ANK3: variants seen among roughly 807,000 people sequenced by gnomAD.
ANK3 encodes ankyrin 3.
A neutral mutation model predicts 370.9 loss-of-function variants in ANK3; 57 were observed. The ratio of observed to expected loss-of-function variants is 0.15; its 90% CI spans 0.12 to 0.19. The LOEUF (loss-of-function observed/expected upper bound fraction) is 0.19. ANK3 is among the 10% of genes least tolerant of loss of function. ANK3 has a pLI of 1.00. For missense variants in ANK3, 4,439 were observed against 5,302.1 expected (o/e 0.84, Z 5.06); for synonymous variants, 1,929 against 1,946.3 (o/e 0.99, Z 0.23).
rs977070966 is a variant in ANK3 at position 60,234,548 on chromosome 10, A to G, written c.897+140T>C. The G allele has an allele frequency of 1.3e-5, 7 of 553,676 alleles. No homozygotes were observed. The Admixed American group carries it at 2.1e-4, about 17-fold the overall frequency. 34.3% of individuals were successfully genotyped at this position (553,676 alleles called of 1,614,324 possible). On this transcript the variant is annotated intron_variant, in intron 8 of 43. Transcript: ENST00000280772. ...TGGCCATACCATTTTAAAAAGAATA[A>G]AAGTAGCAGTCATTTTCCAAGAGAC...
Position 60,155,482 on chromosome 10 carries a change from T to C in ANK3, c.2614+11109A>G, listed in dbSNP as rs537056761. Among the ~76,000 whole-genome samples, 166 of 152,258 alleles carry C rather than the reference T, an allele frequency of 1.1e-3. 2 individuals carry two copies. Among genetic ancestry groups the C allele is most frequent in the African/African-American group, 3.6e-3 (150 of 41,548 alleles). Reference sequence around the variant, plus strand: ...AAAGTGGCTTGAGGCTCAGAATAAATTTAGGTAGCAATCAGGACCCAAGGA... The same window carrying C: ...AAAGTGGCTTGAGGCTCAGAATAAACTTAGGTAGCAATCAGGACCCAAGGA... On this transcript the variant is annotated intron_variant, in intron 23 of 43. Transcript: ENST00000280772.
At chr10:60,314,295 A>G (rs1170588310) in intron 1 of ANK3, among the ~76,000 whole-genome samples, 1 of 152,086 alleles carries the variant, frequency 6.6e-6, no homozygotes, top group Non-Finnish European at 1.5e-5. Flanking sequence ...TTTTGCATTC[A>G]TTTTCCCAGT....
At chr10:60,326,093 C>T (rs891813130) in intron 1 of ANK3, among the ~76,000 whole-genome samples, 2 of 151,962 alleles carry the variant, frequency 1.3e-5, no homozygotes, top group Non-Finnish European at 2.9e-5. Context: ...CACATAGGCA[C>T]AGAGAGGGGA....
Position 60,031,451 on chromosome 10 carries a change from A to G in ANK3, c.*20-1625T>C, listed in dbSNP as rs539441261. On this transcript the variant is annotated intron_variant, in intron 43 of 43. Coordinates refer to ENST00000280772, the MANE Select transcript of ANK3 (RefSeq NM_020987.5). ...ATTGTGGTATGAATTTGCCTTTTCC[A>G]TAAAACAAAGTTCTTCCCATATATT... Among the ~76,000 whole-genome samples the G allele has an allele frequency of 2.0e-5, 3 of 152,280 alleles. No individual in the cohort carries two copies. In the East Asian group the frequency reaches 5.8e-4, roughly 29 times the overall value.
At chr10:60,404,683 A>G (rs1346701324) in intron 2 of ANK3, among the ~76,000 whole-genome samples, 1 of 152,156 alleles carries the variant, frequency 6.6e-6, no homozygotes, top group Non-Finnish European at 1.5e-5. Flanking sequence ...TTAATACAGT[A>G]TACAGAATAT....
At position 60,055,934 on chromosome 10, in the gene ANK3, T is replaced by G; in HGVS notation, c.12789A>C (p.Thr4263=). 1 of 1,614,190 alleles carries G rather than the reference T, an allele frequency of 6.2e-7. No individual in the cohort carries two copies. The highest frequency in any genetic ancestry group is 8.5e-7 in the Non-Finnish European group (1 of 1,180,028). Reference sequence around the variant, plus strand: ...TTTGGGATTCTGGAAAGTAAGATTTTGTCTTTGCTTCTGGAGTGATTTCTG... The same window carrying G: ...TTTGGGATTCTGGAAAGTAAGATTTGGTCTTTGCTTCTGGAGTGATTTCTG... The part of the protein sequence containing the change: ...SHTEITPEAK[T]KSYFPESQND... The change falls in exon 42 of 44, where the codon ACA becomes ACC. Residue 4263 remains threonine (T), a synonymous_variant. Transcript: ENST00000280772.
chr10:60,363,573 C>T (rs542442826), intron 1 of ANK3, among the ~76,000 whole-genome samples: 12 of 152,296 alleles, frequency 7.9e-5, no homozygotes, highest in Non-Finnish European at 1.8e-4. Flanking sequence ...TAGGTTGGGG[C>T]GCGTGGCTAA....
chr10:60,034,086 T>G (rs1019866716), intron 43 of ANK3, among the ~76,000 whole-genome samples: 10 of 150,772 alleles, frequency 6.6e-5, no homozygotes, highest in African/African-American at 1.7e-4. Context: ...TTTTTGTTTT[T>G]TTTTTTGTTT....
chr10:60,044,440 G>A (rs1017973716), intron 42 of ANK3: 3 of 670,556 alleles, frequency 4.5e-6, no homozygotes, highest in East Asian at 1.4e-4. Flanking sequence ...GAATTTTAGA[G>A]AAATAAGTTG....
intron 28 of ANK3, among the ~76,000 whole-genome samples, chr10:60,101,563 T>C (rs2091263767): frequency 6.6e-6 from 1 of 152,212 alleles, no homozygotes; most frequent in Non-Finnish European, 1.5e-5. Flanking sequence ...TGACAAAGAC[T>C]AGAACAAAAT....
In ANK3 at chr10:60,051,785, ATGTGTGTG is replaced by A. The variant is rs5785428; in HGVS notation, c.13065+3865_13065+3872del. Among the ~76,000 whole-genome samples the A allele has an allele frequency of 1.4e-4, 21 of 148,268 alleles. No homozygotes were observed. The East Asian group carries it at 1.6e-3, about 11-fold the overall frequency. On this transcript the variant is annotated intron_variant, in intron 42 of 43. Transcript: ENST00000280772. ...GATTCTAAGTGAAATTACTCTGTGCATGTGTGTGTGTGTGTGTGTGTACAGGTAAAGAT... is the reference window on the plus strand; with the variant it reads ...GATTCTAAGTGAAATTACTCTGTGCATGTGTGTGTGTGTACAGGTAAAGAT...
chr10:60,036,182 C>T (rs1027288017), intron 43 of ANK3, among the ~76,000 whole-genome samples: 51 of 152,240 alleles, frequency 3.3e-4, no homozygotes, highest in African/African-American at 1.1e-3. Context: ...GGAAACTTTT[C>T]TGAAGTGTAA....
intron 23 of ANK3, chr10:60,140,168 A>C (rs972759618): frequency 4.8e-6 from 3 of 626,276 alleles, no homozygotes; most frequent in African/African-American, 3.7e-5. Flanking sequence ...ACTACCAATC[A>C]AGTCTAAAAA....
At chr10:60,462,806 C>G (rs924885051) in intron 2 of ANK3, among the ~76,000 whole-genome samples, 1 of 151,930 alleles carries the variant, frequency 6.6e-6, no homozygotes, top group Non-Finnish European at 1.5e-5. Context: ...TAAAAACTCT[C>G]CAGGTACCCA....
At chr10:60,645,127 A>G (rs2078693713) in intron 1 of ANK3, among the ~76,000 whole-genome samples, 1 of 152,148 alleles carries the variant, frequency 6.6e-6, no homozygotes, top group Non-Finnish European at 1.5e-5. Context: ...ATATCCTAAG[A>G]AAATCTTTCC....
At chr10:60,454,227 T>C (rs2064686830) in intron 2 of ANK3, among the ~76,000 whole-genome samples, 1 of 152,210 alleles carries the variant, frequency 6.6e-6, no homozygotes, top group Admixed American at 6.5e-5. Context: ...AACTGTGTCT[T>C]TTGATAACGT....
intron 23 of ANK3, among the ~76,000 whole-genome samples, chr10:60,151,737 T>C (rs2095128447): frequency 6.6e-6 from 1 of 152,202 alleles, no homozygotes; most frequent in Non-Finnish European, 1.5e-5. Context: ...CTAGCATAGG[T>C]ATTCAAACTT....
intron 1 of ANK3, among the ~76,000 whole-genome samples, chr10:60,308,503 T>C (rs888722769): frequency 2.0e-5 from 3 of 152,054 alleles, no homozygotes; most frequent in Non-Finnish European, 4.4e-5. Context: ...CTCGAACTCC[T>C]GATGTCAGGT....
intron 4 of ANK3, among the ~76,000 whole-genome samples, chr10:60,276,698 A>T (rs2132695690): frequency 6.6e-6 from 1 of 152,346 alleles, no homozygotes. Flanking sequence ...GCCAGTTTAA[A>T]ACCATGGCTA....
Sources: gnomAD v4.1 joint callset for allele counts (sites outside exome capture counted in the v4.1 genomes callset) on GRCh38, gnomAD v4.1.1 for gene constraint, MANE v1.5 for transcripts, NCBI Gene and HGNC (gene_info 2026-07-23, HGNC 2026-07-21) for gene names.